Variants in NSD1 observed in about 807,000 individuals in gnomAD.
The protein encoded by NSD1 is histone-lysine N-methyltransferase, H3 lysine-36 specific.
NSD1 carries 26 observed loss-of-function variants against 242.7 expected under a neutral mutation model. The observed-to-expected ratio is 0.11, with a 90% CI of 0.08 to 0.15. The LOEUF is 0.15. NSD1 is among the 10% of genes least tolerant of loss of function. The pLI is 1.00. For synonymous variants in NSD1, 1,106 were observed against 1,178.1 expected (o/e 0.94, Z 1.25); for missense variants, 2,495 against 3,272.8 (o/e 0.76, Z 5.80).
chr5:177,146,232 G>T, intron 2 of NSD1, among the ~76,000 whole-genome samples: 2 of 135,410 alleles, frequency 1.5e-5, no homozygotes, highest in African/African-American at 5.7e-5. Flanking sequence ...TTGAGTCGGA[G>T]TCTCCATCTG....
intron 2 of NSD1, among the ~76,000 whole-genome samples, chr5:177,181,300 A>G (rs1760648702): frequency 6.6e-6 from 1 of 152,102 alleles, no homozygotes; most frequent in African/African-American, 2.4e-5. Flanking sequence ...AAAACACCCA[A>G]AAAGAGAGAA....
intron 2 of NSD1, among the ~76,000 whole-genome samples, chr5:177,177,715 T>C (rs994378178): frequency 2.0e-5 from 3 of 152,144 alleles, no homozygotes; most frequent in Non-Finnish European, 2.9e-5. Flanking sequence ...AGAACCTATA[T>C]GTATGGGAAC....
At chr5:177,288,423 T>C in intron 20 of NSD1, 1 of 271,066 alleles carries the variant, frequency 3.7e-6, no homozygotes, top group South Asian at 3.9e-5. Context: ...CCAGGTAACA[T>C]GTGTTCACCT....
chr5:177,240,189 A>G (rs1318668822), intron 8 of NSD1, among the ~76,000 whole-genome samples: 1 of 152,012 alleles, frequency 6.6e-6, no homozygotes, highest in East Asian at 1.9e-4. Flanking sequence ...ACTATCTCAA[A>G]TATCACTAGT....
chr5:177,191,742 T>G, intron 2 of NSD1, 142 bp from the exon 3 acceptor site: 3 of 806,316 alleles, frequency 3.7e-6, no homozygotes, highest in Non-Finnish European at 6.1e-6. Flanking sequence ...TTAGTTGTAC[T>G]TATTTTGTAA....
chr5:177,266,068 G>A, intron 14 of NSD1: 3 of 1,111,240 alleles, frequency 2.7e-6, no homozygotes, highest in Non-Finnish European at 1.4e-6. Context: ...TGTAGTCTTT[G>A]TACTGCCGGT....
chr5:177,197,688 A>G (rs1762208554), intron 3 of NSD1, among the ~76,000 whole-genome samples: 1 of 152,170 alleles, frequency 6.6e-6, no homozygotes, highest in Non-Finnish European at 1.5e-5. Flanking sequence ...CCTACCTTCG[A>G]CCCCAATAGC....
chr5:177,285,338 C>A (rs995724364), intron 20 of NSD1, among the ~76,000 whole-genome samples: 1 of 151,932 alleles, frequency 6.6e-6, no homozygotes, highest in African/African-American at 2.4e-5. Context: ...CCAACACGGG[C>A]AGATCACGAG....
At chr5:177,264,325 G>C (rs1245603917) in intron 14 of NSD1, among the ~76,000 whole-genome samples, 1 of 152,104 alleles carries the variant, frequency 6.6e-6, no homozygotes, top group South Asian at 2.1e-4. Context: ...TTTTAGTGTA[G>C]TCATTTTAAG....
intron 17 of NSD1, among the ~76,000 whole-genome samples, chr5:177,277,240 G>C (rs529591250): frequency 1.3e-5 from 2 of 151,364 alleles, no homozygotes; most frequent in Non-Finnish European, 2.9e-5. Context: ...TAATACTCTT[G>C]AACTACAGGT....
At chr5:177,176,425 C>CTT (rs537202358) in intron 2 of NSD1, among the ~76,000 whole-genome samples, 12 of 138,380 alleles carry the variant, frequency 8.7e-5, no homozygotes, top group Non-Finnish European at 1.7e-4. Context: ...CCTGGCTATT[C>CTT]TTTTTTTTTT....
intron 11 of NSD1, among the ~76,000 whole-genome samples, chr5:177,248,791 G>T (rs920675877): frequency 6.6e-6 from 1 of 152,058 alleles, no homozygotes; most frequent in African/African-American, 2.4e-5. Context: ...ATGAAGTATT[G>T]TTCCAAGCAC....
chr5:177,207,593 A>ATTTTTTT lies in NSD1; in HGVS notation c.1237-2020_1237-2014dup, dbSNP rs150492535. 3.8e-3 allele frequency among the ~76,000 whole-genome samples: 301 copies of ATTTTTTT among 78,216 alleles called. 31 individuals carry two copies. The highest frequency in any genetic ancestry group is 0.019 in the African/African-American group (273 of 14,178). The allele number at this position is 78,216 out of a possible 152,430, so 51.3% of individuals were successfully genotyped here. A position where few individuals can be genotyped will look rare whatever the true frequency, so the allele number is the denominator to read the frequency against. On this transcript the variant is annotated intron_variant, in intron 4 of 22. Coordinates refer to ENST00000439151, the MANE Select transcript of NSD1 (RefSeq NM_022455.5). ...CACCGTGCCTGGCCTATTTATTTAA[A>ATTTTTTT]TTTTTTTTTTTTTTTTTTTTTTTTT...
chr5:177,189,303 C>T (rs777487114), intron 2 of NSD1, among the ~76,000 whole-genome samples: 2 of 152,136 alleles, frequency 1.3e-5, no homozygotes, highest in African/African-American at 2.4e-5. Context: ...GGATTTATTA[C>T]TACTTTCTCT....
intron 2 of NSD1, among the ~76,000 whole-genome samples, chr5:177,149,408 T>C (rs1035064348): frequency 1.3e-5 from 2 of 151,676 alleles, no homozygotes; most frequent in Admixed American, 6.6e-5. Context: ...TTAGTAGACA[T>C]GGGGTTTCAC....
chr5:177,238,591 A>T lies in NSD1; in HGVS notation c.4192+84A>T, dbSNP rs1765626204. 2 of 1,486,192 alleles carry T rather than the reference A, an allele frequency of 1.3e-6. No homozygotes were observed. The highest frequency in any genetic ancestry group is 2.8e-5 in the African/African-American group (2 of 72,676). 92.1% of individuals were successfully genotyped at this position (1,486,192 alleles called of 1,614,324 possible). Reference sequence around the variant, plus strand: ...TTTAGTATGTTTTGATGTAAAGCCAACATTGTATCTATATACAATAAACTA... The same window carrying T: ...TTTAGTATGTTTTGATGTAAAGCCATCATTGTATCTATATACAATAAACTA... On this transcript the variant is annotated intron_variant, in intron 7 of 22. Coordinates refer to ENST00000439151, the MANE Select transcript of NSD1 (RefSeq NM_022455.5). This position sits in a 1 kb window ranked among gnomAD's most constrained non-coding sequence, Gnocchi z 4.6.
intron 2 of NSD1, among the ~76,000 whole-genome samples, chr5:177,187,972 A>G (rs961402651): frequency 6.6e-6 from 1 of 152,134 alleles, no homozygotes; most frequent in Non-Finnish European, 1.5e-5. Context: ...ATTATTTCCA[A>G]CTGGACCTAT....
chr5:177,202,886 CTAAG>C (rs1441454372), intron 3 of NSD1, among the ~76,000 whole-genome samples: 1 of 151,620 alleles, frequency 6.6e-6, no homozygotes, highest in African/African-American at 2.4e-5. Context: ...CAAAATTTAA[CTAAG>C]TTTTAGTTTC....
chr5:177,200,599 T>G (rs943374503), intron 3 of NSD1, among the ~76,000 whole-genome samples: 11 of 151,984 alleles, frequency 7.2e-5, no homozygotes, highest in African/African-American at 2.2e-4. Flanking sequence ...CTGTTCTGTG[T>G]TTTTTTTCCT....
Sources: allele counts gnomAD v4.1 joint callset (sites outside exome capture counted in the v4.1 genomes callset), GRCh38; gene constraint gnomAD v4.1.1; non-coding constraint Gnocchi (gnomAD v3.1); transcripts MANE v1.5; gene names NCBI Gene and HGNC (gene_info 2026-07-23, HGNC 2026-07-21).